Variants in EPHA4 observed in about 807,000 individuals in gnomAD.
EPHA4 encodes EPH receptor A4.
A neutral mutation model predicts 108.3 loss-of-function variants in EPHA4; 19 were observed. The ratio of observed to expected loss-of-function variants is 0.18; its 90% confidence interval spans 0.12 to 0.26. The LOEUF (loss-of-function observed/expected upper bound fraction) is 0.26, where lower values mean the gene tolerates loss of function less well. EPHA4 is among the 10% of genes least tolerant of loss of function. The pLI is 1.00. For synonymous variants in EPHA4, 449 were observed against 455.5 expected, an observed-to-expected ratio of 0.99 and a Z score of 0.18; for missense variants, 917 against 1,254.0, an observed-to-expected ratio of 0.73 and a Z score of 4.06.
At chr2:221,436,209 T>C (rs1006241130) in intron 13 of EPHA4, among the ~76,000 whole-genome samples, 190 bp downstream of exon 13, 3 of 152,164 alleles carry the variant, frequency 2.0e-5, no homozygotes, top group African/African-American at 4.8e-5. Context: ...TGGTCATACA[T>C]CTACAGTCAG....
chr2:221,539,447 G>A (rs1324984618), intron 3 of EPHA4, among the ~76,000 whole-genome samples: 1 of 152,162 alleles, frequency 6.6e-6, no homozygotes, highest in Non-Finnish European at 1.5e-5. Flanking sequence ...GCTGGTGGGA[G>A]TTAGGAGAGA....
chr2:221,503,131 G>A (rs1258585227), intron 3 of EPHA4, among the ~76,000 whole-genome samples: 1 of 152,202 alleles, frequency 6.6e-6, no homozygotes, highest in Non-Finnish European at 1.5e-5. Context: ...GGTCCCGCCT[G>A]TCACTCAGTC....
At chr2:221,514,278 C>T (rs968751984) in intron 3 of EPHA4, among the ~76,000 whole-genome samples, 2 of 152,040 alleles carry the variant, frequency 1.3e-5, no homozygotes, top group African/African-American at 4.8e-5. Context: ...TTCATAGGAC[C>T]ACATCCACAA....
intron 5 of EPHA4, among the ~76,000 whole-genome samples, chr2:221,460,367 A>T (rs754014097): frequency 6.6e-6 from 1 of 152,198 alleles, no homozygotes; most frequent in Non-Finnish European, 1.5e-5. Flanking sequence ...CCTACTGGAG[A>T]GATCAATTCA....
intron 4 of EPHA4, among the ~76,000 whole-genome samples, chr2:221,493,495 T>A (rs1692211129): frequency 6.6e-6 from 1 of 152,192 alleles, no homozygotes. Flanking sequence ...TCCCTTCTCC[T>A]GACCTTGGAA....
rs148631289 is a variant in EPHA4 at position 221,514,591 on chromosome 2, G to A, written c.824-13419C>T. ...TGCATCTTACTTACCCTGATGACGT[G>A]TAAGTGTGTTTATCTTTGTTGGGAG... On this transcript the variant is annotated intron_variant, in intron 3 of 17. Coordinates refer to ENST00000281821, the MANE Select transcript of EPHA4 (RefSeq NM_004438.5). 5.6e-3 allele frequency among the ~76,000 whole-genome samples: 845 copies of A among 152,248 alleles called. 9 individuals are homozygous for A. Among genetic ancestry groups the A allele is most frequent in the African/African-American group, 0.019 (809 of 41,538 alleles).
At chr2:221,440,875 G>A (rs749244203) in intron 11 of EPHA4, among the ~76,000 whole-genome samples, 1 of 152,114 alleles carries the variant, frequency 6.6e-6, no homozygotes, top group Non-Finnish European at 1.5e-5. Context: ...GGTGGTATGC[G>A]GTCGTTTGTC....
chr2:221,507,869 G>C (rs1692679816), intron 3 of EPHA4, among the ~76,000 whole-genome samples: 1 of 152,148 alleles, frequency 6.6e-6, no homozygotes, highest in South Asian at 2.1e-4. Flanking sequence ...TCTCATCTCA[G>C]AAGCTTCTAA....
intron 17 of EPHA4, among the ~76,000 whole-genome samples, chr2:221,423,096 T>C (rs772462204): frequency 2.6e-4 from 39 of 152,240 alleles, no homozygotes; most frequent in Non-Finnish European, 3.7e-4. Context: ...AGATGAATAA[T>C]ACTTGGACAA....
intron 5 of EPHA4, among the ~76,000 whole-genome samples, chr2:221,459,550 AACAC>A (rs1170340510): frequency 2.0e-5 from 3 of 150,618 alleles, no homozygotes; most frequent in Non-Finnish European, 4.4e-5. Context: ...CCCTTCTCCC[AACAC>A]ACACACAGGC....
At chr2:221,568,633 A>G in intron 2 of EPHA4, 85 bp downstream of exon 2, 1 of 1,107,384 alleles carries the variant, frequency 9.0e-7, no homozygotes, top group Admixed American at 2.3e-5. Flanking sequence ...ACCACAATCA[A>G]CAAGAATCAA....
chr2:221,566,211 G>GT (rs908394852), intron 2 of EPHA4, among the ~76,000 whole-genome samples: 3 of 151,918 alleles, frequency 2.0e-5, no homozygotes, highest in Non-Finnish European at 4.4e-5. Context: ...TTCCTTGGTG[G>GT]TATTGTCAAA....
chr2:221,444,533 G>C (rs544491359), intron 9 of EPHA4, among the ~76,000 whole-genome samples: 1 of 151,736 alleles, frequency 6.6e-6, no homozygotes, highest in South Asian at 2.1e-4. Context: ...TCCTTAAATT[G>C]GCAATTTCTT....
At chr2:221,511,510 C>T (rs113382647) in intron 3 of EPHA4, among the ~76,000 whole-genome samples, 108 of 152,358 alleles carry the variant, frequency 7.1e-4, no homozygotes, top group African/African-American at 2.5e-3. Flanking sequence ...CTGTACCTCA[C>T]TTCCGATTTC....
In EPHA4 at chr2:221,426,029, C is replaced by T. The variant is rs1689892062; in HGVS notation, c.2960G>A (p.Ter987=). The change falls in exon 17 of 18, where the codon TGA becomes TAA. Residue 987 remains the stop codon, a stop_retained_variant. Coordinates refer to ENST00000281821, the MANE Select transcript of EPHA4 (RefSeq NM_004438.5). ...QQMHGRMVPV[*] is the part of the protein sequence containing the mutation. ...GTTTTGAGTTTATTCAGTACTGGCT[C>T]AGACGGGAACCATTCTGCCGTGCAT... The T allele has an allele frequency of 1.9e-6, 3 of 1,613,770 alleles. No homozygotes were observed. Among genetic ancestry groups the T allele is most frequent in the Non-Finnish European group, 2.5e-6 (3 of 1,179,768 alleles).
chr2:221,453,945 G>A (rs1470679611), intron 8 of EPHA4, among the ~76,000 whole-genome samples: 3 of 152,114 alleles, frequency 2.0e-5, no homozygotes, highest in Non-Finnish European at 4.4e-5. Context: ...GGGAGGCCGA[G>A]GCAGGCGGAT....
intron 4 of EPHA4, among the ~76,000 whole-genome samples, chr2:221,483,818 G>A (rs1156848617): frequency 6.6e-6 from 1 of 151,928 alleles, no homozygotes; most frequent in Non-Finnish European, 1.5e-5. Flanking sequence ...TCTTAATAGG[G>A]CAAAAAAATT....
chr2:221,541,636 T>G (rs983842008), intron 3 of EPHA4, among the ~76,000 whole-genome samples: 1 of 152,128 alleles, frequency 6.6e-6, no homozygotes, highest in Non-Finnish European at 1.5e-5. Context: ...AAAACAGAAA[T>G]GCAATCTAAA....
intron 3 of EPHA4, among the ~76,000 whole-genome samples, chr2:221,529,042 T>A (rs1397203759): frequency 2.0e-5 from 3 of 152,186 alleles, no homozygotes; most frequent in Admixed American, 6.5e-5. Context: ...AGAAAAATTT[T>A]AAAAACCACT....
Sources: gnomAD v4.1 joint callset for allele counts (sites outside exome capture counted in the v4.1 genomes callset) on GRCh38, gnomAD v4.1.1 for gene constraint, MANE v1.5 for transcripts, NCBI Gene and HGNC (gene_info 2026-07-23, HGNC 2026-07-21) for gene names.